The following NT5C2 variants were observed in gnomAD, a reference collection of about 807,000 sequenced individuals.
NT5C2 encodes the protein 5'-nucleotidase, cytosolic II.
In NT5C2, 58 loss-of-function variants were observed where a neutral mutation model predicts 76.1. That is an observed-to-expected ratio of 0.76 (90% CI 0.62 to 0.95). The LOEUF (loss-of-function observed/expected upper bound fraction) is 0.95. NT5C2 is among the 40% of genes least tolerant of loss of function. NT5C2 has a pLI of 0.00. For missense variants in NT5C2, 478 were observed against 690.3 expected (o/e 0.69, Z 3.45); for synonymous variants, 229 against 237.4 (o/e 0.96, Z 0.32).
At chr10:103,148,001 A>T (rs1014488244) in intron 3 of NT5C2, among the ~76,000 whole-genome samples, 1 of 151,952 alleles carries the variant, frequency 6.6e-6, no homozygotes, top group Non-Finnish European at 1.5e-5. Context: ...AGCTGTTATT[A>T]AAAAAAAGTA....
At chr10:103,189,392 G>A (rs1414971568) in intron 1 of NT5C2, among the ~76,000 whole-genome samples, 1 of 151,884 alleles carries the variant, frequency 6.6e-6, no homozygotes, top group African/African-American at 2.4e-5. Context: ...CGGATCATGA[G>A]GTAAAGAGAT....
intron 4 of NT5C2, among the ~76,000 whole-genome samples, chr10:103,132,306 G>A (rs2078345195): frequency 6.6e-6 from 1 of 151,368 alleles, no homozygotes; most frequent in Admixed American, 6.6e-5. Flanking sequence ...GATTAGAAGA[G>A]ACTAAGGAGA....
At position 103,102,044 on chromosome 10, in the gene NT5C2, C is replaced by G. The variant is rs145286779; in HGVS notation, c.390-718G>C. Among the ~76,000 whole-genome samples the G allele has an allele frequency of 7.6e-4, 115 of 152,138 alleles. 2 individuals are homozygous for G. The highest frequency in any genetic ancestry group is 2.7e-3 in the African/African-American group (112 of 41,500). On this transcript the variant is annotated intron_variant, in intron 6 of 18. Coordinates refer to ENST00000404739, the MANE Select transcript of NT5C2 (RefSeq NM_001351169.2). Reference sequence around the variant, plus strand: ...GTTTTAAAGCAGAGGATAATCCCATCGGGGCTGAGTTGTAAAACAAAATTA... The same window carrying G: ...GTTTTAAAGCAGAGGATAATCCCATGGGGGCTGAGTTGTAAAACAAAATTA...
chr10:103,090,057 C>T (rs2066314627), intron 18 of NT5C2, 149 bp from the exon 19 acceptor site: 7 of 551,610 alleles, frequency 1.3e-5, no homozygotes, highest in Non-Finnish European at 2.1e-5. Context: ...CTTCATAGAA[C>T]TACTTATAGT....
chr10:103,135,311 C>T (rs560684280), intron 4 of NT5C2, among the ~76,000 whole-genome samples: 122 of 152,162 alleles, frequency 8.0e-4, no homozygotes, highest in Non-Finnish European at 1.2e-3. Flanking sequence ...GTGGGTCTTT[C>T]CCTTGCTGTT....
intron 3 of NT5C2, among the ~76,000 whole-genome samples, chr10:103,144,326 C>A (rs369699345): frequency 6.6e-6 from 1 of 151,968 alleles, no homozygotes; most frequent in South Asian, 2.1e-4. Context: ...GTATGCGGAA[C>A]GACATAATAA....
At chr10:103,143,602 ATTTTTTTTTTTTTT>A (rs67395221) in intron 3 of NT5C2, among the ~76,000 whole-genome samples, 7 of 53,824 alleles carry the variant, frequency 1.3e-4, no homozygotes, top group African/African-American at 2.7e-4. Context: ...ATGTCCAGCT[ATTTTTTTTTTTTTT>A]TTTTTTTTTT....
intron 3 of NT5C2, among the ~76,000 whole-genome samples, chr10:103,173,246 A>G (rs1265361909): frequency 6.6e-6 from 1 of 152,134 alleles, no homozygotes; most frequent in Non-Finnish European, 1.5e-5. Flanking sequence ...CATTCAATCT[A>G]ACACACAGTA....
intron 15 of NT5C2, among the ~76,000 whole-genome samples, chr10:103,091,895 G>A (rs541754781): frequency 1.1e-4 from 16 of 152,240 alleles, no homozygotes; most frequent in African/African-American, 3.6e-4. Context: ...CGCTCATTCT[G>A]AGCTTGTAAA....
intron 3 of NT5C2, among the ~76,000 whole-genome samples, chr10:103,166,499 A>G (rs2086421496): frequency 1.3e-5 from 2 of 152,254 alleles, no homozygotes; most frequent in South Asian, 4.1e-4. Context: ...TTCCATACAC[A>G]GAATTTTGGG....
intron 3 of NT5C2, among the ~76,000 whole-genome samples, chr10:103,173,268 C>A (rs1002887298): frequency 1.3e-5 from 2 of 152,102 alleles, no homozygotes; most frequent in Non-Finnish European, 2.9e-5. Context: ...CCAGCAGACA[C>A]AATTTTTAAA....
chr10:103,152,702 CTT>C (rs2082614048), intron 3 of NT5C2, among the ~76,000 whole-genome samples: 1 of 152,132 alleles, frequency 6.6e-6, no homozygotes, highest in South Asian at 2.1e-4. Context: ...CAGTTATTAA[CTT>C]ATCACTTATT....
intron 3 of NT5C2, chr10:103,153,757 A>G (rs1353095926): frequency 1.0e-6 from 1 of 982,820 alleles, no homozygotes; most frequent in African/African-American, 1.7e-5. Context: ...TCTGGGAGCA[A>G]AAAACACAGG....
intron 4 of NT5C2, chr10:103,111,888 G>C (rs1171024805): frequency 1.2e-6 from 1 of 863,344 alleles, no homozygotes; most frequent in African/African-American, 1.7e-5. Flanking sequence ...GGCTGGAACA[G>C]AGAGATACCA....
Position 103,090,794 on chromosome 10 carries a change from C to G in NT5C2, c.1273-7G>C. Reference sequence around the variant, plus strand: ...CCATGTCATGAGTTACTTTCTAAAACAAAGAACAAGATTGATTCTTGGCTC... The same window carrying G: ...CCATGTCATGAGTTACTTTCTAAAAGAAAGAACAAGATTGATTCTTGGCTC... On this transcript the variant is annotated splice_polypyrimidine_tract_variant and splice_region_variant and intron_variant, in intron 17 of 18. Transcript: ENST00000404739. 9.9e-6 allele frequency: 16 copies of G among 1,613,658 alleles called. No individual in the cohort carries two copies. The highest frequency in any genetic ancestry group is 1.4e-5 in the Non-Finnish European group (16 of 1,179,816).
chr10:103,142,689 G>C (rs533998995), intron 3 of NT5C2, among the ~76,000 whole-genome samples: 1 of 151,748 alleles, frequency 6.6e-6, no homozygotes, highest in South Asian at 2.1e-4. Flanking sequence ...AAAGAAAGAA[G>C]AAAAGAAAGG....
chr10:103,170,526 C>CTTTT (rs71019664), intron 3 of NT5C2, among the ~76,000 whole-genome samples: 4 of 117,764 alleles, frequency 3.4e-5, no homozygotes, highest in African/African-American at 6.3e-5. Flanking sequence ...CACATGCACA[C>CTTTT]TTTTTTTTTT....
At chr10:103,173,653 G>A (rs2088923225) in intron 3 of NT5C2, among the ~76,000 whole-genome samples, 2 of 150,658 alleles carry the variant, frequency 1.3e-5, no homozygotes, top group Admixed American at 6.6e-5. Context: ...TTGGCCGGGC[G>A]CAGTGGCTCA....
intron 3 of NT5C2, among the ~76,000 whole-genome samples, chr10:103,166,557 C>A (rs1483826555): frequency 1.3e-5 from 2 of 152,156 alleles, no homozygotes; most frequent in Admixed American, 6.5e-5. Flanking sequence ...TAAATTCTTA[C>A]CTGTCATTCC....
Sources: gnomAD v4.1 joint callset for allele counts (sites outside exome capture counted in the v4.1 genomes callset) on GRCh38, gnomAD v4.1.1 for gene constraint, MANE v1.5 for transcripts, NCBI Gene and HGNC (gene_info 2026-07-23, HGNC 2026-07-21) for gene names.